Variants in HTN1 observed in about 807,000 individuals in gnomAD.
HTN1 encodes the protein histatin 1.
In HTN1, 18 loss-of-function variants were observed where a neutral mutation model predicts 11.2. The ratio of observed to expected loss-of-function variants is 1.61; its 90% CI spans 1.12 to 2.39. The LOEUF (loss-of-function observed/expected upper bound fraction) is 2.39. Among genes scored for constraint, HTN1 ranks in the 30% most tolerant of loss-of-function variants. The pLI is 0.00. For synonymous variants in HTN1, 21 were observed against 20.5 expected, an observed-to-expected ratio of 1.02 and a Z score of -0.07; for missense variants, 80 against 67.2, an observed-to-expected ratio of 1.19 and a Z score of -0.67.
chr4:70,054,683 C>T (rs1725988969), intron 4 of HTN1, among the ~76,000 whole-genome samples: 1 of 151,994 alleles, frequency 6.6e-6, no homozygotes, highest in Non-Finnish European at 1.5e-5. Flanking sequence ...GTCAATTATT[C>T]TCTGAGAACT....
At chr4:70,051,880 T>A (rs886836675) in intron 1 of HTN1, among the ~76,000 whole-genome samples, 6 of 152,228 alleles carry the variant, frequency 3.9e-5, no homozygotes, top group African/African-American at 1.4e-4. Context: ...AATTTTTAAA[T>A]TACCTATTAA....
intron 2 of HTN1, 26 bp from the exon 3 acceptor site, chr4:70,054,296 A>G: frequency 1.5e-6 from 2 of 1,327,894 alleles, no homozygotes; most frequent in Admixed American, 2.2e-5. Flanking sequence ...AATATTAATT[A>G]TTTTCTCATT....
chr4:70,055,384 T>C, intron 4 of HTN1, 114 bp from the exon 5 acceptor site: 3 of 741,730 alleles, frequency 4.0e-6, no homozygotes, highest in South Asian at 3.2e-5. Flanking sequence ...GTAGATAAAA[T>C]ACAAGGTCTT....
intron 5 of HTN1, chr4:70,057,991 A>G (rs1027266343): frequency 9.9e-5 from 15 of 152,188 alleles, no homozygotes; most frequent in African/African-American, 3.4e-4. Context: ...CTTTTCATAA[A>G]GTCAGTTTTA....
At chr4:70,053,671 G>C (rs561081618) in intron 2 of HTN1, among the ~76,000 whole-genome samples, 49 of 152,122 alleles carry the variant, frequency 3.2e-4, no homozygotes, top group African/African-American at 1.1e-3. Context: ...ATTTACTACT[G>C]TGTATTAGTA....
intron 5 of HTN1, 127 bp downstream of exon 5, chr4:70,055,729 A>G (rs1251528952): frequency 5.3e-6 from 3 of 570,264 alleles, no homozygotes; most frequent in Non-Finnish European, 9.4e-6. Context: ...AAGTGTATTC[A>G]TTTGTATAAA....
chr4:70,054,170 T>A (rs897661151), intron 2 of HTN1, 152 bp from the exon 3 acceptor site: 1 of 495,738 alleles, frequency 2.0e-6, no homozygotes, highest in Non-Finnish European at 3.6e-6. Flanking sequence ...TTTGAAGATG[T>A]CATAAAGCTA....
Position 70,058,695 on chromosome 4 carries a change from G to A in HTN1, c.*149G>A, listed in dbSNP as rs1726105341. On this transcript the variant is annotated 3_prime_UTR_variant, in exon 6 of 6. Transcript: ENST00000246896. ...CAATGGAGAATAAAAGAAAGACCAT[G>A]ATTTAGTGAATTCTGTGTTTCATGA... The A allele has an allele frequency of 6.6e-6, 1 of 152,088 alleles. No individual in the cohort carries two copies. The highest frequency in any genetic ancestry group is 2.4e-5 in the African/African-American group (1 of 41,442). 9.4% of individuals were successfully genotyped at this position (152,088 alleles called of 1,614,324 possible).
chr4:70,055,638 G>A, intron 5 of HTN1, 36 bp downstream of exon 5: 1 of 944,094 alleles, frequency 1.1e-6, no homozygotes, highest in South Asian at 1.4e-5. Flanking sequence ...TTCTAGAAGT[G>A]TCAACACTGA....
intron 1 of HTN1, among the ~76,000 whole-genome samples, chr4:70,052,379 A>G (rs1339642124): frequency 1.3e-5 from 2 of 152,156 alleles, no homozygotes; most frequent in African/African-American, 4.8e-5. Context: ...ATGTCATTAT[A>G]TAAGTCCCCT....
intron 2 of HTN1, among the ~76,000 whole-genome samples, chr4:70,053,635 T>C (rs1475977570): frequency 6.6e-6 from 1 of 152,180 alleles, no homozygotes; most frequent in African/African-American, 2.4e-5. Flanking sequence ...ATTTATTAAG[T>C]GTCATGAGTT....
At chr4:70,057,182 T>C (rs1578185176) in intron 5 of HTN1, 1 of 152,180 alleles carries the variant, frequency 6.6e-6, no homozygotes, top group Non-Finnish European at 1.5e-5. Flanking sequence ...GTGGTACATA[T>C]ACACCATGGA....
intron 5 of HTN1, chr4:70,056,581 A>G (rs1726049233): frequency 6.6e-6 from 1 of 152,180 alleles, no homozygotes; most frequent in African/African-American, 2.4e-5. Context: ...AAAAGAAACT[A>G]TCATCAGAGT....
At chr4:70,054,539 A>T (rs1725985933) in intron 4 of HTN1, 89 bp downstream of exon 4, 9 of 839,836 alleles carry the variant, frequency 1.1e-5, no homozygotes, top group Non-Finnish European at 1.7e-5. Flanking sequence ...TGTCTCTCAA[A>T]TATATCTATA....
At chr4:70,054,923 C>T (rs1304468021) in intron 4 of HTN1, among the ~76,000 whole-genome samples, 2 of 151,916 alleles carry the variant, frequency 1.3e-5, no homozygotes, top group Non-Finnish European at 2.9e-5. Flanking sequence ...TATAAAGTCT[C>T]ATGTTATTTT....
chr4:70,055,517 G>A lies in HTN1; in HGVS notation c.122G>A (p.Arg41Gln), dbSNP rs375127098. The A allele has an allele frequency of 6.8e-5, 109 of 1,597,458 alleles. 1 individual carries two copies. The African/African-American group carries it at 8.3e-4, about 12-fold the overall frequency. The stretch of plus-strand genomic sequence containing the variant: ...ATGCAGGAAAAGCATCATTCACATC[G>A]AGAATTTCCATTTTATGGGGACTAT... ...RKFHEKHHSH[R>Q]EFPFYGDYGS... The change falls in exon 5 of 6, where the codon CGA (arginine) becomes CAA (glutamine). Residue 41 changes from arginine (R) to glutamine (Q), a missense_variant. Coordinates refer to ENST00000246896, the MANE Select transcript of HTN1 (RefSeq NM_002159.4).
In HTN1 at chr4:70,054,347, G is replaced by A. The variant is rs375060151; in HGVS notation, c.72+5G>A. The A allele has an allele frequency of 3.7e-5, 56 of 1,533,516 alleles. No individual in the cohort carries two copies. In the African/African-American group the frequency reaches 7.1e-4, roughly 19 times the overall value. The allele number at this position is 1,533,516 out of a possible 1,614,324, so 95.0% of individuals were successfully genotyped here. A position where few individuals can be genotyped will look rare whatever the true frequency, so the allele number is the denominator to read the frequency against. On this transcript the variant is annotated splice_donor_5th_base_variant and intron_variant, in intron 3 of 5. Coordinates refer to ENST00000246896, the MANE Select transcript of HTN1 (RefSeq NM_002159.4). ...AGCGCTGATTCACATGAAAAGGTAA[G>A]ACATTTTCATTTACGGGAAAACTTG...
chr4:70,051,245 T>C (rs1210775256), intron 1 of HTN1, among the ~76,000 whole-genome samples: 2 of 152,134 alleles, frequency 1.3e-5, no homozygotes, highest in Non-Finnish European at 2.9e-5. Flanking sequence ...TAGGAAACTA[T>C]TTTATTACTT....
intron 1 of HTN1, among the ~76,000 whole-genome samples, chr4:70,050,895 A>G (rs1725875265): frequency 6.6e-6 from 1 of 152,164 alleles, no homozygotes; most frequent in Non-Finnish European, 1.5e-5. Flanking sequence ...TAAGCCCCGC[A>G]TGCATTAGTT....
Sources: allele counts gnomAD v4.1 joint callset (sites outside exome capture counted in the v4.1 genomes callset), GRCh38; gene constraint gnomAD v4.1.1; transcripts MANE v1.5; gene names NCBI Gene and HGNC (gene_info 2026-07-23, HGNC 2026-07-21).